The following FRY variants were observed in gnomAD, a reference collection of about 807,000 sequenced individuals.
FRY encodes the protein protein furry homolog.
A neutral mutation model predicts 348.4 loss-of-function variants in FRY; 128 were observed. The observed-to-expected ratio is 0.37, with a 90% CI of 0.32 to 0.43. The LOEUF (loss-of-function observed/expected upper bound fraction) is 0.43, where lower values mean the gene tolerates loss of function less well. FRY is among the 20% of genes least tolerant of loss of function. FRY has a pLI of 1.00. For synonymous variants in FRY, 1,370 were observed against 1,374.7 expected, an observed-to-expected ratio of 1.00 and a Z score of 0.08; for missense variants, 2,736 against 3,695.2, an observed-to-expected ratio of 0.74 and a Z score of 6.73.
intron 54 of FRY, among the ~76,000 whole-genome samples, chr13:32,266,594 T>C (rs140262794): frequency 6.8e-4 from 103 of 152,320 alleles, no homozygotes; most frequent in African/African-American, 2.3e-3. Flanking sequence ...TGCTGAAGGC[T>C]AAAAGAAGTA....
chr13:32,056,116 G>A (rs1255947223), intron 1 of FRY, among the ~76,000 whole-genome samples: 10 of 151,686 alleles, frequency 6.6e-5, no homozygotes, highest in African/African-American at 2.2e-4. Context: ...ACTGGAACCC[G>A]GGAGGCGGAG....
chr13:32,239,628 GC>G lies in FRY; in HGVS notation c.6517-81del, dbSNP rs1886396629. On this transcript the variant is annotated intron_variant, in intron 45 of 60. Transcript: ENST00000542859. The surrounding 1 kb of genome is among the most constrained non-coding windows in gnomAD (Gnocchi z 4.3). ...AGTGTATCAATCTACTTTCCAGATG[GC>G]CAGAGCTTATAGTAAAATTGCTAAC... 7.3e-6 allele frequency: 7 copies of G among 958,228 alleles called. No homozygotes were observed. The highest frequency in any genetic ancestry group is 1.2e-5 in the Non-Finnish European group (7 of 604,720). 59.4% of individuals were successfully genotyped at this position (958,228 alleles called of 1,614,324 possible).
intron 2 of FRY, among the ~76,000 whole-genome samples, chr13:32,082,837 C>A (rs552845228): frequency 6.6e-6 from 1 of 152,134 alleles, no homozygotes; most frequent in East Asian, 1.9e-4. Context: ...TTTGTGGGTT[C>A]TTTACTTTTT....
At position 32,264,395 on chromosome 13, in the gene FRY, T is replaced by G. The variant is rs575998232; in HGVS notation, c.7780-1055T>G. On this transcript the variant is annotated intron_variant, in intron 53 of 60. Transcript: ENST00000542859. ...TTAATTCTAGAGTCAAAGTATAATA[T>G]ATATATTTTATATATATATTTACAC... is the stretch of plus-strand genomic sequence containing the variant. Among the ~76,000 whole-genome samples the G allele has an allele frequency of 2.8e-4, 42 of 152,146 alleles. No individual in the cohort carries two copies. The Middle Eastern group carries it at 0.01, about 37-fold the overall frequency.
intron 7 of FRY, among the ~76,000 whole-genome samples, chr13:32,130,246 G>C (rs919951364): frequency 6.6e-6 from 1 of 151,796 alleles, no homozygotes; most frequent in African/African-American, 2.4e-5. Context: ...TCACCATGTT[G>C]GTCAGGCTGG....
At chr13:32,079,768 C>T (rs1327664429) in intron 2 of FRY, among the ~76,000 whole-genome samples, 1 of 152,148 alleles carries the variant, frequency 6.6e-6, no homozygotes, top group East Asian at 1.9e-4. Context: ...ATTCAGATTA[C>T]TTGTTTTCTA....
At chr13:32,251,194 C>A (rs187540924) in intron 49 of FRY, among the ~76,000 whole-genome samples, 1 of 152,102 alleles carries the variant, frequency 6.6e-6, no homozygotes, top group African/African-American at 2.4e-5. Flanking sequence ...ATTCTGAGAC[C>A]TGGGTTATCT....
chr13:32,186,087 G>A (rs1337129299), intron 26 of FRY, among the ~76,000 whole-genome samples, 173 bp from the exon 27 acceptor site: 1 of 152,176 alleles, frequency 6.6e-6, no homozygotes, highest in African/African-American at 2.4e-5. Context: ...CAGGAAGAGT[G>A]CACACTTAGA....
At chr13:32,209,564 C>T in intron 32 of FRY, 21 bp from the exon 33 acceptor site, 3 of 1,613,328 alleles carry the variant, frequency 1.9e-6, no homozygotes, top group Non-Finnish European at 1.7e-6. Flanking sequence ...ATCTCTTGGG[C>T]CGGTTTTTAT....
chr13:32,245,016 C>T (rs1886707934), intron 47 of FRY, among the ~76,000 whole-genome samples: 2 of 152,066 alleles, frequency 1.3e-5, no homozygotes. Flanking sequence ...GTGGCACAAT[C>T]TCGGCTCACT....
chr13:32,221,273 A>G (rs570094016), intron 36 of FRY, among the ~76,000 whole-genome samples: 1 of 152,358 alleles, frequency 6.6e-6, no homozygotes, highest in African/African-American at 2.4e-5. Flanking sequence ...ATGACTTCAC[A>G]CTACCTTGCA....
At position 32,052,760 on chromosome 13, in the gene FRY, A is replaced by G. The variant is rs185392791; in HGVS notation, c.70+20895A>G. Among the ~76,000 whole-genome samples the G allele has an allele frequency of 7.2e-5, 11 of 152,364 alleles. No homozygotes were observed. The South Asian group carries it at 8.3e-4, about 11-fold the overall frequency. The stretch of plus-strand genomic sequence containing the variant: ...TCCAAACATACTTAAAACATTTCCA[A>G]TAACTGAACAAAGTGTCAGTTTTTA... On this transcript the variant is annotated intron_variant, in intron 1 of 60. Coordinates refer to ENST00000542859, the MANE Select transcript of FRY (RefSeq NM_023037.3).
intron 20 of FRY, 134 bp from the exon 21 acceptor site, chr13:32,178,043 G>A: frequency 2.4e-6 from 2 of 840,794 alleles, no homozygotes; most frequent in Admixed American, 1.9e-5. Flanking sequence ...TGCAGGATTG[G>A]TGTTTCAGAT....
At chr13:32,277,290 G>C (rs370071481) in intron 57 of FRY, among the ~76,000 whole-genome samples, 2 of 152,170 alleles carry the variant, frequency 1.3e-5, no homozygotes, top group African/African-American at 4.8e-5. Context: ...GTGACTTGCC[G>C]TCTCTCATCT....
chr13:32,207,562 G>T (rs1215041132), intron 31 of FRY, among the ~76,000 whole-genome samples: 2 of 152,124 alleles, frequency 1.3e-5, no homozygotes, highest in Non-Finnish European at 2.9e-5. Context: ...TGAATGTTCT[G>T]ACTTTATAAG....
At chr13:32,207,999 A>G (rs1884453448) in intron 31 of FRY, among the ~76,000 whole-genome samples, 1 of 152,262 alleles carries the variant, frequency 6.6e-6, no homozygotes, top group Admixed American at 6.5e-5. Context: ...GTGCTTCTCT[A>G]TCTTAGAAAG....
Position 32,230,864 on chromosome 13 carries a change from G to C in FRY, c.5406-315G>C, listed in dbSNP as rs529495773. On this transcript the variant is annotated intron_variant, in intron 40 of 60. Transcript: ENST00000542859. ...ATAATCACCATTCTGACTGGTGTGAGATGGTATCTCACTGTGGTTTTGATT... is the reference window on the plus strand; with the variant it reads ...ATAATCACCATTCTGACTGGTGTGACATGGTATCTCACTGTGGTTTTGATT... Among the ~76,000 whole-genome samples the C allele has an allele frequency of 6.9e-4, 105 of 152,306 alleles. 2 individuals carry two copies. The South Asian group carries it at 0.02, about 29-fold the overall frequency.
chr13:32,193,523 T>G (rs1449101123), intron 28 of FRY, among the ~76,000 whole-genome samples: 1 of 151,818 alleles, frequency 6.6e-6, no homozygotes, highest in South Asian at 2.1e-4. Context: ...TTGGATTTTT[T>G]AAACCAAATA....
intron 53 of FRY, among the ~76,000 whole-genome samples, chr13:32,265,110 T>G (rs892977139): frequency 1.3e-5 from 2 of 152,228 alleles, no homozygotes; most frequent in Non-Finnish European, 2.9e-5. Flanking sequence ...GGAGCATTGT[T>G]TCCTTATCTG....
Sources: allele counts gnomAD v4.1 joint callset (sites outside exome capture counted in the v4.1 genomes callset), GRCh38; gene constraint gnomAD v4.1.1; non-coding constraint Gnocchi (gnomAD v3.1); transcripts MANE v1.5; gene names NCBI Gene and HGNC (gene_info 2026-07-23, HGNC 2026-07-21).